Variants in FMN1 observed in about 807,000 individuals in gnomAD.
FMN1 encodes the protein formin-1.
A neutral mutation model predicts 132.4 loss-of-function variants in FMN1; 110 were observed. The ratio of observed to expected loss-of-function variants is 0.83; its 90% CI spans 0.71 to 0.97. The LOEUF is 0.97. Ranked by LOEUF, FMN1 falls within the 50% of genes least tolerant of loss-of-function variation. The probability of loss-of-function intolerance (pLI) is 0.00; values close to 1 mark genes in which losing one functional copy is unlikely to be tolerated. For synonymous variants in FMN1, 722 were observed against 651.7 expected, an observed-to-expected ratio of 1.11 and a Z score of -1.64; for missense variants, 1,792 against 1,705.3, an observed-to-expected ratio of 1.05 and a Z score of -0.90.
chr15:33,051,181 A>T (rs1463750720), intron 6 of FMN1, among the ~76,000 whole-genome samples: 1 of 152,186 alleles, frequency 6.6e-6, no homozygotes, highest in Non-Finnish European at 1.5e-5. Flanking sequence ...AGGTATGATC[A>T]TTCCAGGGTA....
In FMN1 at chr15:33,030,610, A is replaced by C. The variant is rs113673598; in HGVS notation, c.2162-22535T>G. 7.2e-3 allele frequency among the ~76,000 whole-genome samples: 1,093 copies of C among 152,326 alleles called. 10 individuals are homozygous for C. The highest frequency in any genetic ancestry group is 0.024 in the African/African-American group (1,014 of 41,568). On this transcript the variant is annotated intron_variant, in intron 6 of 20. Transcript: ENST00000616417. ...ATTTTATATTGCCAAACCATGTTTT[A>C]ATGTTTACAAATGCCCTATTTCTTC...
intron 4 of FMN1, among the ~76,000 whole-genome samples, chr15:33,119,030 G>GT (rs1962300108): frequency 6.6e-6 from 1 of 152,112 alleles, no homozygotes; most frequent in South Asian, 2.1e-4. Flanking sequence ...ACCCCTGCAG[G>GT]TATCAACTGG....
rs559786192 is a variant in FMN1 at position 32,868,331 on chromosome 15, T to C, written c.3836-11224A>G. On this transcript the variant is annotated intron_variant, in intron 16 of 20. Transcript: ENST00000616417. Reference sequence around the variant, plus strand: ...CAGTATAGTACAGCCAGTAGTACTGTAATATACTGTTAACTATATTCAGTA... The same window carrying C: ...CAGTATAGTACAGCCAGTAGTACTGCAATATACTGTTAACTATATTCAGTA... Among the ~76,000 whole-genome samples, 15 of 152,334 alleles carry C rather than the reference T, an allele frequency of 9.8e-5. No individual in the cohort carries two copies. The South Asian group carries it at 3.1e-3, about 32-fold the overall frequency.
intron 5 of FMN1, among the ~76,000 whole-genome samples, chr15:33,070,193 C>A (rs913444368): frequency 3.3e-5 from 5 of 151,186 alleles, no homozygotes; most frequent in Non-Finnish European, 7.4e-5. Flanking sequence ...TTAGTAGAGA[C>A]AAGGTTTCTC....
intron 5 of FMN1, among the ~76,000 whole-genome samples, chr15:33,070,136 G>C (rs1168595767): frequency 1.3e-5 from 2 of 150,904 alleles, no homozygotes; most frequent in South Asian, 4.2e-4. Context: ...CTCCTGAGTA[G>C]CTGGAATTAC....
At chr15:33,166,552 A>G (rs1424215607) in intron 3 of FMN1, among the ~76,000 whole-genome samples, 1 of 152,198 alleles carries the variant, frequency 6.6e-6, no homozygotes, top group African/African-American at 2.4e-5. Context: ...ACCTTCTAAG[A>G]AAAAATTCAT....
At chr15:32,943,515 C>T (rs1364195733) in intron 9 of FMN1, among the ~76,000 whole-genome samples, 1 of 152,178 alleles carries the variant, frequency 6.6e-6, no homozygotes, top group African/African-American at 2.4e-5. Context: ...ACTTCTAAGT[C>T]ATGGGCTTCC....
At chr15:33,076,856 T>C (rs1491004048) in intron 5 of FMN1, among the ~76,000 whole-genome samples, 4 of 152,212 alleles carry the variant, frequency 2.6e-5, no homozygotes, top group Non-Finnish European at 5.9e-5. Context: ...AAATGGCTAC[T>C]GAAATTAGAG....
chr15:32,774,244 TG>T lies in FMN1; in HGVS notation c.*65del. 1 of 1,224,040 alleles carries T rather than the reference TG, an allele frequency of 8.2e-7. No homozygotes were observed. Among genetic ancestry groups the T allele is most frequent in the Non-Finnish European group, 1.2e-6 (1 of 846,694 alleles). 75.8% of individuals were successfully genotyped at this position (1,224,040 alleles called of 1,614,324 possible). A position where few individuals can be genotyped will look rare whatever the true frequency, so the allele number is the denominator to read the frequency against. ...CTTTCAAGAACGTCCTGCAACCCTG[TG>T]GTCACAAAGAGTATGCGTGCAAGGT... On this transcript the variant is annotated 3_prime_UTR_variant, in exon 21 of 21. Coordinates refer to ENST00000616417, the MANE Select transcript of FMN1 (RefSeq NM_001277313.2).
At chr15:33,072,115 C>T (rs1379720931) in intron 5 of FMN1, among the ~76,000 whole-genome samples, 1 of 152,152 alleles carries the variant, frequency 6.6e-6, no homozygotes, top group Non-Finnish European at 1.5e-5. Flanking sequence ...CTGAGGATGA[C>T]CATTCTTTTC....
chr15:32,782,915 C>T (rs901351443), intron 19 of FMN1, among the ~76,000 whole-genome samples: 3 of 152,300 alleles, frequency 2.0e-5, no homozygotes, highest in South Asian at 2.1e-4. Context: ...AAATCAAATA[C>T]TGCATGGTCT....
At chr15:32,890,247 C>G (rs555447363) in intron 15 of FMN1, among the ~76,000 whole-genome samples, 3 of 152,288 alleles carry the variant, frequency 2.0e-5, no homozygotes, top group Non-Finnish European at 4.4e-5. Flanking sequence ...GTGCAAGTAT[C>G]TTTTTCATAT....
At chr15:32,903,046 C>T (rs1447166427) in intron 12 of FMN1, among the ~76,000 whole-genome samples, 6 of 152,144 alleles carry the variant, frequency 3.9e-5, no homozygotes, top group Admixed American at 2.0e-4. Flanking sequence ...CTTTCTATAC[C>T]GAAAGATATT....
At chr15:33,043,490 C>A (rs372954189) in intron 6 of FMN1, among the ~76,000 whole-genome samples, 1 of 152,216 alleles carries the variant, frequency 6.6e-6, no homozygotes, top group Non-Finnish European at 1.5e-5. Flanking sequence ...CATGTGGCTG[C>A]GCAAGAATCT....
At chr15:32,934,620 T>C (rs1040560168) in intron 9 of FMN1, among the ~76,000 whole-genome samples, 2 of 138,462 alleles carry the variant, frequency 1.4e-5, no homozygotes, top group South Asian at 4.6e-4. Context: ...TTTTTTTGGG[T>C]GGGGAGGACT....
At position 33,126,883 on chromosome 15, in the gene FMN1, T is replaced by G. The variant is rs78434460; in HGVS notation, c.1867+26165A>C. ...GAAAACTGATACCCATAAATAACTG[T>G]GGCTGTATAACTGCAAAGTGGGATA... On this transcript the variant is annotated intron_variant, in intron 4 of 20. Coordinates refer to ENST00000616417, the MANE Select transcript of FMN1 (RefSeq NM_001277313.2). Among the ~76,000 whole-genome samples the G allele has an allele frequency of 6.2e-3, 941 of 152,284 alleles. 7 individuals carry two copies. The highest frequency in any genetic ancestry group is 0.021 in the African/African-American group (874 of 41,578).
intron 17 of FMN1, among the ~76,000 whole-genome samples, chr15:32,839,316 C>T (rs2058695552): frequency 6.6e-6 from 1 of 152,128 alleles, no homozygotes; most frequent in Admixed American, 6.5e-5. Flanking sequence ...AGCGTCAGCA[C>T]CAACCCACCC....
At chr15:32,809,444 A>C (rs1224869971) in intron 17 of FMN1, among the ~76,000 whole-genome samples, 2 of 152,074 alleles carry the variant, frequency 1.3e-5, no homozygotes, top group African/African-American at 4.8e-5. Flanking sequence ...GACAAAGTGC[A>C]TTTGCAGTTC....
At chr15:32,858,849 T>G (rs1289192503) in intron 16 of FMN1, among the ~76,000 whole-genome samples, 2 of 152,250 alleles carry the variant, frequency 1.3e-5, no homozygotes, top group Non-Finnish European at 2.9e-5. Flanking sequence ...TCTGCTATTA[T>G]GAGATTACCC....
Sources: allele counts gnomAD v4.1 joint callset (sites outside exome capture counted in the v4.1 genomes callset), GRCh38; gene constraint gnomAD v4.1.1; transcripts MANE v1.5; gene names NCBI Gene and HGNC (gene_info 2026-07-23, HGNC 2026-07-21).